ZNF334: variants seen among roughly 807,000 people sequenced by gnomAD.
The protein encoded by ZNF334 is zinc finger protein 334.
A neutral mutation model predicts 12.4 loss-of-function variants in ZNF334; 14 were observed. The ratio of observed to expected loss-of-function variants is 1.13; its 90% CI spans 0.74 to 1.76. ZNF334 has a LOEUF of 1.76. Among genes scored for constraint, ZNF334 ranks in the 40% most tolerant of loss-of-function variants. The probability of loss-of-function intolerance (pLI) is 0.00; values close to 1 mark genes in which losing one functional copy is unlikely to be tolerated. For missense variants in ZNF334, 797 were observed against 804.5 expected, an observed-to-expected ratio of 0.99 and a Z score of 0.11; for synonymous variants, 273 against 269.6, an observed-to-expected ratio of 1.01 and a Z score of -0.12.
chr20:46,505,974 T>C (rs1389169500), intron 2 of ZNF334: 1 of 167,676 alleles, frequency 6.0e-6, no homozygotes, highest in East Asian at 1.6e-4. Flanking sequence ...TGACCACTAC[T>C]TGATGTGCAG....
At chr20:46,485,105 A>T in the ZNF334 span, 1 of 167,384 alleles carries the variant, frequency 6.0e-6, no homozygotes, top group South Asian at 2.1e-4. Context: ...GGTAACAAGC[A>T]GATGGAAGTC....
chr20:46,486,083 T>A, the ZNF334 span, among the ~76,000 whole-genome samples: 2 of 152,228 alleles, frequency 1.3e-5, no homozygotes, highest in Non-Finnish European at 2.9e-5. Flanking sequence ...AAACCATGTA[T>A]CCTGTTTAGG....
the ZNF334 span, among the ~76,000 whole-genome samples, chr20:46,487,049 C>T: frequency 6.6e-6 from 1 of 151,844 alleles, no homozygotes; most frequent in Non-Finnish European, 1.5e-5. Flanking sequence ...TGTACGGTTA[C>T]TCCTGTCAAT....
intron 2 of ZNF334, among the ~76,000 whole-genome samples, chr20:46,508,363 G>A (rs930409390): frequency 6.6e-6 from 1 of 152,220 alleles, no homozygotes; most frequent in Non-Finnish European, 1.5e-5. Flanking sequence ...GACCCTACAT[G>A]TAATGCAAAG....
In ZNF334 at chr20:46,501,721, A is replaced by G. The variant is rs754041395; in HGVS notation, c.1618T>C (p.Trp540Arg). ...SHLIVHQRTI[W>R]ERPYECNECG... ...TCATTGCATTCATATGGTCTCTCCC[A>G]TATAGTTCTCTGATGTACAATGAGG... Residue 540 changes from tryptophan (W) to arginine (R), a missense_variant, in exon 5 of 5, where the codon TGG becomes CGG. Trp to Arg is a moderately radical substitution (Grantham distance 101, BLOSUM62 -3). Coordinates refer to ENST00000692313, the MANE Select transcript of ZNF334 (RefSeq NM_001353824.2). The G allele has an allele frequency of 1.2e-6, 2 of 1,613,942 alleles. No individual in the cohort carries two copies. The highest frequency in any genetic ancestry group is 1.7e-6 in the Non-Finnish European group (2 of 1,179,956).
the ZNF334 span, chr20:46,464,553 AT>A: frequency 2.3e-6 from 1 of 432,430 alleles, no homozygotes; most frequent in Non-Finnish European, 4.6e-6. Context: ...TCAGGACAAG[AT>A]TTTTATATGC....
chr20:46,509,734 G>A (rs1194613075), intron 2 of ZNF334: 14 of 695,834 alleles, frequency 2.0e-5, no homozygotes, highest in Non-Finnish European at 3.7e-5. Context: ...ACCTCATGGT[G>A]TGTGGTTTCA....
downstream of ZNF334, among the ~76,000 whole-genome samples, chr20:46,498,782 T>C (rs1376085623): frequency 1.3e-5 from 2 of 152,180 alleles, no homozygotes; most frequent in African/African-American, 2.4e-5. Context: ...GATGTAATTA[T>C]TTAAGATGCA....
intron 2 of ZNF334, among the ~76,000 whole-genome samples, chr20:46,510,883 T>G (rs1399122220): frequency 6.6e-6 from 1 of 151,956 alleles, no homozygotes; most frequent in East Asian, 1.9e-4. Flanking sequence ...TATTTCCATG[T>G]TGGATATGAG....
intron 4 of ZNF334, 136 bp from the exon 5 acceptor site, chr20:46,503,233 G>A: frequency 2.9e-6 from 3 of 1,036,270 alleles, no homozygotes; most frequent in East Asian, 2.9e-5. Context: ...AATTTCAAGT[G>A]CAAATATCTC....
At position 46,500,667 on chromosome 20, in the gene ZNF334, G is replaced by A. The variant is rs1601010544; in HGVS notation, c.*629C>T. ...TTCAGGATCATGAACTAGTTATCCT[G>A]TGCCTATCTTCCATTAGAAAGGTCT... On this transcript the variant is annotated 3_prime_UTR_variant, in exon 5 of 5. Coordinates refer to ENST00000692313, the MANE Select transcript of ZNF334 (RefSeq NM_001353824.2). 1 of 152,340 alleles carries A rather than the reference G, an allele frequency of 6.6e-6. No individual in the cohort carries two copies. 9.4% of individuals were successfully genotyped at this position (152,340 alleles called of 1,614,324 possible).
At chr20:46,486,899 T>G in the ZNF334 span, among the ~76,000 whole-genome samples, 3 of 152,350 alleles carry the variant, frequency 2.0e-5, no homozygotes, top group African/African-American at 7.2e-5. Flanking sequence ...GAAGCTCACA[T>G]GATATTCTCG....
intron 2 of ZNF334, chr20:46,506,533 T>G: frequency 2.6e-6 from 1 of 390,824 alleles, no homozygotes; most frequent in Non-Finnish European, 4.5e-6. Flanking sequence ...AGAGGATCAC[T>G]TGAGTCTGGG....
chr20:46,494,775 A>C (rs1362834991), downstream of ZNF334, among the ~76,000 whole-genome samples: 1 of 152,172 alleles, frequency 6.6e-6, no homozygotes, highest in Non-Finnish European at 1.5e-5. Context: ...TAGAGTGAGA[A>C]AAGTTTCCTA....
At position 46,502,286 on chromosome 20, in the gene ZNF334, G is replaced by T. The variant is rs200139053; in HGVS notation, c.1053C>A (p.Cys351Ter). The change falls in exon 5 of 5, where the codon TGC (cysteine) becomes TGA (stop). Residue 351 changes from cysteine (C) to a stop codon, truncating the protein, a stop_gained. Coordinates refer to ENST00000692313, the MANE Select transcript of ZNF334 (RefSeq NM_001353824.2). LOFTEE classifies it low-confidence loss of function (END_TRUNC). ...TGCTGAAGGCATTTCCACATTCCTTGCATTCGTAAGGCTTCTCCCCTGTGT... is the reference window on the plus strand; with the variant it reads ...TGCTGAAGGCATTTCCACATTCCTTTCATTCGTAAGGCTTCTCCCCTGTGT... Reference protein sequence around the residue: ...RSHTGEKPYECKECGNAFSKK... With the variant: ...RSHTGEKPYE The T allele has an allele frequency of 6.2e-7, 1 of 1,613,898 alleles. No homozygotes were observed. The highest frequency in any genetic ancestry group is 8.5e-7 in the Non-Finnish European group (1 of 1,179,998).
chr20:46,504,685 T>G lies in ZNF334; in HGVS notation c.77A>C (p.Gln26Pro), dbSNP rs748490111. 5 of 1,612,556 alleles carry G rather than the reference T, an allele frequency of 3.1e-6. No homozygotes were observed. Among genetic ancestry groups the G allele is most frequent in the Admixed American group, 1.7e-5 (1 of 59,776 alleles). The change falls in exon 3 of 5, where the codon CAA (glutamine) becomes CCA (proline). Residue 26 changes from glutamine (Q) to proline (P), a missense_variant. Physicochemically the swap from Gln to Pro is moderately conservative, Grantham distance 76 (BLOSUM62 -1). Transcript: ENST00000692313. ...CAGGAGCCTCTGAGCAGGGTCCAGT[T>G]GCTGCCATTCCTCTTGGGTGAAGTT... Reference protein sequence around the residue: ...TVNFTQEEWQQLDPAQRLLYR... With the variant: ...TVNFTQEEWQPLDPAQRLLYR...
At chr20:46,487,245 T>A in the ZNF334 span, among the ~76,000 whole-genome samples, 2 of 152,196 alleles carry the variant, frequency 1.3e-5, no homozygotes. Flanking sequence ...ATTCACATTT[T>A]AATCTGTCTA....
At chr20:46,488,419 TTATATA>T in the ZNF334 span, among the ~76,000 whole-genome samples, 91 of 102,234 alleles carry the variant, frequency 8.9e-4, 4 homozygotes, top group South Asian at 0.017. Context: ...AGCTCTTATT[TTATATA>T]TATATATATA....
Position 46,501,670 on chromosome 20 carries a change from A to C in ZNF334, c.1669T>G (p.Ser557Ala). Residue 557 changes from serine (S) to alanine (A), a missense_variant, in exon 5 of 5, where the codon TCA (serine) becomes GCA (alanine). By Grantham distance (99) the Ser-to-Ala change is moderately conservative. Transcript: ENST00000692313. The stretch of plus-strand genomic sequence containing the variant: ...GTTCTCTGATGGTGAGTCAGGGCTG[A>C]CTTCCTGCAGTAGGTTCTCCCACAT... ...NECGRTYCRKSALTHHQRTHT... is the reference protein window; with the variant it reads ...NECGRTYCRKAALTHHQRTHT... The C allele has an allele frequency of 6.2e-7, 1 of 1,614,102 alleles. No homozygotes were observed. The highest frequency in any genetic ancestry group is 8.5e-7 in the Non-Finnish European group (1 of 1,179,964).
Sources: gnomAD v4.1 joint callset for allele counts (sites outside exome capture counted in the v4.1 genomes callset) on GRCh38, gnomAD v4.1.1 for gene constraint, MANE v1.5 for transcripts, NCBI Gene and HGNC (gene_info 2026-07-23, HGNC 2026-07-21) for gene names.